The following MLLT6 variants were observed in gnomAD, a reference collection of about 807,000 sequenced individuals.
The protein encoded by MLLT6 is MLLT6, PHD finger containing.
In MLLT6, 22 loss-of-function variants were observed where a neutral mutation model predicts 103.0. The ratio of observed to expected loss-of-function variants is 0.21; its 90% CI spans 0.15 to 0.31. The LOEUF (loss-of-function observed/expected upper bound fraction) is 0.31. Ranked by LOEUF, MLLT6 falls within the 10% of genes least tolerant of loss-of-function variation. The pLI is 1.00. For missense variants in MLLT6, 1,199 were observed against 1,441.7 expected, an observed-to-expected ratio of 0.83 and a Z score of 2.73; for synonymous variants, 606 against 623.5, an observed-to-expected ratio of 0.97 and a Z score of 0.42.
Position 38,715,662 on chromosome 17 carries a change from G to A in MLLT6, c.870G>A (p.Glu290=). ...SSSHHEASTQ[E]TSESSRESKG... ...CCCACCACGAGGCCAGCACGCAGGA[G>A]ACCTCTGAGAGCAGCAGGGAGTCAA... The change falls in exon 9 of 20, where the codon GAG becomes GAA. Residue 290 remains glutamate (E), a synonymous_variant. Coordinates refer to ENST00000621332, the MANE Select transcript of MLLT6 (RefSeq NM_005937.4). The A allele has an allele frequency of 6.2e-7, 1 of 1,614,038 alleles. No individual in the cohort carries two copies. The highest frequency in any genetic ancestry group is 8.5e-7 in the Non-Finnish European group (1 of 1,179,996).
rs1273793416 is a variant in MLLT6, at chr17:38,707,424, C to T, written c.190-62C>T. On this transcript the variant is annotated intron_variant, in intron 2 of 19. Coordinates refer to ENST00000621332, the MANE Select transcript of MLLT6 (RefSeq NM_005937.4). Reference sequence around the variant, plus strand: ...GCATTTCAGCCTGGGACCCCTTGAACGTGTTCAGGGAGGGTCCAGCTCAGC... The same window carrying T: ...GCATTTCAGCCTGGGACCCCTTGAATGTGTTCAGGGAGGGTCCAGCTCAGC... 7.8e-6 allele frequency: 12 copies of T among 1,531,540 alleles called. No individual in the cohort carries two copies. In the Middle Eastern group the frequency reaches 6.8e-4, roughly 87 times the overall value. The allele number at this position is 1,531,540 out of a possible 1,614,324, so 94.9% of individuals were successfully genotyped here.
At chr17:38,725,273 AGAT>A in intron 19 of MLLT6, 1 of 532,384 alleles carries the variant, frequency 1.9e-6, no homozygotes, top group South Asian at 2.8e-5. Context: ...AATTAGAAAA[AGAT>A]GACCCTCTGG....
Position 38,722,064 on chromosome 17 carries a change from G to A in MLLT6, c.2629G>A (p.Ala877Thr). ...GGCACCCGGGGCAGCGGGGCTGGGGGCCATGCCCATGGCTGAGGGGCTGTT... is the reference window on the plus strand; with the variant it reads ...GGCACCCGGGGCAGCGGGGCTGGGGACCATGCCCATGGCTGAGGGGCTGTT... ...GRAPGAAGLG[A>T]MPMAEGLLGG... Residue 877 changes from alanine (A) to threonine (T), a missense_variant, in exon 17 of 20, where the codon GCC (alanine) becomes ACC (threonine). By Grantham distance (58) the Ala-to-Thr change is moderately conservative (BLOSUM62 0). Transcript: ENST00000621332. 1 of 1,390,670 alleles carries A rather than the reference G, an allele frequency of 7.2e-7. No homozygotes were observed. Among genetic ancestry groups the A allele is most frequent in the Non-Finnish European group, 9.3e-7 (1 of 1,077,166 alleles). The allele number at this position is 1,390,670 out of a possible 1,614,324, so 86.1% of individuals were successfully genotyped here.
Position 38,719,736 on chromosome 17 carries a change from C to A in MLLT6, c.2010-14C>A, listed in dbSNP as rs372437299. ...TGGTCGGGTCGACTGAACCCAGGTT[C>A]CCTCTGGCCGCAGGTCCCCCATCAG... On this transcript the variant is annotated splice_polypyrimidine_tract_variant and intron_variant, in intron 13 of 19. Transcript: ENST00000621332. 1.8e-4 allele frequency: 289 copies of A among 1,603,358 alleles called. 2 individuals carry two copies. The highest frequency in any genetic ancestry group is 4.9e-5 in the Non-Finnish European group (57 of 1,173,132).
At position 38,722,006 on chromosome 17, in the gene MLLT6, A is replaced by G. The variant is rs1365550691; in HGVS notation, c.2571A>G (p.Pro857=). The G allele has an allele frequency of 2.2e-5, 33 of 1,479,414 alleles. No individual in the cohort carries two copies. The highest frequency in any genetic ancestry group is 2.8e-5 in the Non-Finnish European group (31 of 1,116,600). The allele number at this position is 1,479,414 out of a possible 1,614,324, so 91.6% of individuals were successfully genotyped here. A position where few individuals can be genotyped will look rare whatever the true frequency, so the allele number is the denominator to read the frequency against. Reference sequence around the variant, plus strand: ...TGGCCCTGCCTGGGGCCCCTGCCCCACTCCCGCCCCAGCCGCAGAACGGGT... The same window carrying G: ...TGGCCCTGCCTGGGGCCCCTGCCCCGCTCCCGCCCCAGCCGCAGAACGGGT... ...LPLALPGAPA[P]LPPQPQNGLG... The change falls in exon 17 of 20, where the codon CCA becomes CCG. Residue 857 remains proline (P), a synonymous_variant. Transcript: ENST00000621332.
At position 38,716,783 on chromosome 17, in the gene MLLT6, C is replaced by T. The variant is rs764630823; in HGVS notation, c.1453C>T (p.Arg485Trp). 9.9e-6 allele frequency: 16 copies of T among 1,610,560 alleles called. No individual in the cohort carries two copies. Among genetic ancestry groups the T allele is most frequent in the East Asian group, 2.2e-5 (1 of 44,722 alleles). ...RHGPGRPKGS[R>W]NKEGTGGPAA... ...TGGGCCAGGCCGTCCCAAGGGCAGC[C>T]GGAACAAGGAGGGCACTGGGGGCCC... Residue 485 changes from arginine (R) to tryptophan (W), a missense_variant, in exon 10 of 20, where the codon CGG becomes TGG. Physicochemically the swap from Arg to Trp is moderately radical, Grantham distance 101. Transcript: ENST00000621332. This position sits in a 1 kb window ranked among gnomAD's most constrained non-coding sequence, Gnocchi z 5.6.
intron 16 of MLLT6, 69 bp from the exon 17 acceptor site, chr17:38,721,809 G>A: frequency 9.3e-7 from 1 of 1,075,052 alleles, no homozygotes; most frequent in Non-Finnish European, 1.3e-6. Flanking sequence ...GAATGCTGGT[G>A]GGTGCTGGGC....
rs751373300 is a variant in MLLT6, at chr17:38,724,736, C to T, written c.3000C>T (p.Ser1000=). 1.2e-6 allele frequency: 2 copies of T among 1,611,206 alleles called. No homozygotes were observed. Among genetic ancestry groups the T allele is most frequent in the South Asian group, 2.2e-5 (2 of 90,668 alleles). The change falls in exon 19 of 20, where the codon AGC becomes AGT. Residue 1000 remains serine, a synonymous_variant. Coordinates refer to ENST00000621332, the MANE Select transcript of MLLT6 (RefSeq NM_005937.4). This position sits in a 1 kb window ranked among gnomAD's most constrained non-coding sequence, Gnocchi z 5.4. The part of the protein sequence containing the change: ...QLPMASLLAG[S]STPLLSAGTP... ...CCATGGCCAGCCTGCTGGCAGGAAG[C>T]TCCACCCCGCTGCTGTCTGCGGGTA...
chr17:38,721,902 C>T lies in MLLT6; in HGVS notation c.2467C>T (p.Arg823Cys). The part of the protein sequence containing the change: ...SEDPHSGCPS[R>C]SSSSLSFHST... Reference sequence around the variant, plus strand: ...GGACCCACACTCAGGCTGCCCGAGCCGCAGCAGCTCGTCGCTGTCCTTCCA... The same window carrying T: ...GGACCCACACTCAGGCTGCCCGAGCTGCAGCAGCTCGTCGCTGTCCTTCCA... Residue 823 changes from arginine (R) to cysteine (C), a missense_variant, in exon 17 of 20, where the codon CGC becomes TGC. Coordinates refer to ENST00000621332, the MANE Select transcript of MLLT6 (RefSeq NM_005937.4). 3 of 1,578,276 alleles carry T rather than the reference C, an allele frequency of 1.9e-6. No homozygotes were observed. Among genetic ancestry groups the T allele is most frequent in the East Asian group, 2.4e-5 (1 of 42,042 alleles).
rs949423342 is a variant in MLLT6, at chr17:38,727,230, GTTT to G, written c.*1640_*1642del. The G allele has an allele frequency of 1.5e-5, 3 of 194,326 alleles. No individual in the cohort carries two copies. The highest frequency in any genetic ancestry group is 3.1e-5 in the Non-Finnish European group (3 of 97,072). 12.0% of individuals were successfully genotyped at this position (194,326 alleles called of 1,614,324 possible). On this transcript the variant is annotated 3_prime_UTR_variant, in exon 20 of 20. Coordinates refer to ENST00000621332, the MANE Select transcript of MLLT6 (RefSeq NM_005937.4). ...ATATTTTTGCCTGTGCTGCTCAACT[GTTT>G]TTTTTTTCTGATACTGAAAATAATA... is the stretch of plus-strand genomic sequence containing the variant.
chr17:38,717,471 G>A lies in MLLT6; in HGVS notation c.1691G>A (p.Gly564Asp). The part of the protein sequence containing the change: ...TSNKDPISHS[G>D]GMLRAVCSTP... ...AATAAGGACCCCATCTCCCACAGTG[G>A]CGGGATGCTGCGGGCTGTCTGCAGC... Residue 564 changes from glycine to aspartate, a missense_variant, in exon 11 of 20, where the codon GGC (glycine) becomes GAC (aspartate). By Grantham distance (94) the Gly-to-Asp change is moderately conservative (BLOSUM62 -1). This residue lies in a region of MLLT6 where 1,034 missense variants were observed against 1,091.5 expected (regional missense o/e 0.95). Transcript: ENST00000621332. The A allele has an allele frequency of 6.2e-7, 1 of 1,610,596 alleles. No homozygotes were observed. Among genetic ancestry groups the A allele is most frequent in the East Asian group, 2.2e-5 (1 of 44,792 alleles).
chr17:38,716,888 G>C lies in MLLT6; in HGVS notation c.1558G>C (p.Val520Leu), dbSNP rs1391852447. The change falls in exon 10 of 20, where the codon GTC becomes CTC. Residue 520 changes from valine to leucine, a missense_variant. This residue lies in a region of MLLT6 where 1,034 missense variants were observed against 1,091.5 expected (regional missense o/e 0.95). Transcript: ENST00000621332. This position sits in a 1 kb window ranked among gnomAD's most constrained non-coding sequence, Gnocchi z 5.6. Reference sequence around the variant, plus strand: ...CTCACCCTTCTCTGGAGGTTCCCTGGTCAGCTCCGGCCTGGGAGGTCTGTC... The same window carrying C: ...CTCACCCTTCTCTGGAGGTTCCCTGCTCAGCTCCGGCCTGGGAGGTCTGTC... ...AASPFSGGSL[V>L]SSGLGGLSSR... 1 of 1,613,712 alleles carries C rather than the reference G, an allele frequency of 6.2e-7. No homozygotes were observed. Among genetic ancestry groups the C allele is most frequent in the Admixed American group, 1.7e-5 (1 of 59,978 alleles).
At chr17:38,719,260 C>T (rs1255930253) in intron 12 of MLLT6, 4 of 525,950 alleles carry the variant, frequency 7.6e-6, no homozygotes, top group Non-Finnish European at 1.3e-5. Flanking sequence ...AGGAATTGGG[C>T]GGTGGATCTG....
intron 7 of MLLT6, 162 bp downstream of exon 7, chr17:38,712,176 G>C (rs570118598): frequency 2.2e-5 from 21 of 947,078 alleles, no homozygotes; most frequent in South Asian, 1.5e-4. Context: ...GAAACGGTGG[G>C]GGGGTGAGGC....
In MLLT6 at chr17:38,705,574, G is replaced by T; in HGVS notation, c.-59G>T. ...GCCCCCCGCTCCCTCCCTCCCCCCT[G>T]ACCCCCGACCCCCGCCGGCCGGCCC... On this transcript the variant is annotated 5_prime_UTR_variant, in exon 1 of 20. Transcript: ENST00000621332. 2.8e-6 allele frequency: 1 copy of T among 355,912 alleles called. No homozygotes were observed. 22.0% of individuals were successfully genotyped at this position (355,912 alleles called of 1,614,324 possible).
chr17:38,717,113 C>T (rs1319144516), intron 10 of MLLT6, 132 bp downstream of exon 10: 5 of 1,319,008 alleles, frequency 3.8e-6, no homozygotes, highest in African/African-American at 3.0e-5. Context: ...GAGACAGTCA[C>T]CTTCAGGACA....
intron 18 of MLLT6, 81 bp downstream of exon 18, chr17:38,722,849 G>T: frequency 9.5e-7 from 1 of 1,054,954 alleles, no homozygotes; most frequent in South Asian, 1.4e-5. Context: ...GGCCAGCCAG[G>T]AGAGGGCAGG....
rs1373361726 is a variant in MLLT6, at chr17:38,716,947, C to T, written c.1617C>T (p.Pro539=). The T allele has an allele frequency of 2.5e-6, 4 of 1,613,746 alleles. No homozygotes were observed. The highest frequency in any genetic ancestry group is 1.7e-5 in the Admixed American group (1 of 60,004). The change falls in exon 10 of 20, where the codon CCC becomes CCT. Residue 539 remains proline, a synonymous_variant. Coordinates refer to ENST00000621332, the MANE Select transcript of MLLT6 (RefSeq NM_005937.4). This position sits in a 1 kb window ranked among gnomAD's most constrained non-coding sequence, Gnocchi z 5.6. ...CCTTTGGGCCTTCTGGGAGCTTGCCCAGCTTGAGCCTGGAGTCCCCCTTAC... is the reference window on the plus strand; with the variant it reads ...CCTTTGGGCCTTCTGGGAGCTTGCCTAGCTTGAGCCTGGAGTCCCCCTTAC... ...SRTFGPSGSL[P]SLSLESPLLG...
intron 17 of MLLT6, 45 bp from the exon 18 acceptor site, chr17:38,722,633 A>AGGGGG: frequency 7.9e-6 from 3 of 377,874 alleles, no homozygotes; most frequent in Non-Finnish European, 1.5e-5. Flanking sequence ...GCCCTCCCCC[A>AGGGGG]TGGTCTGTGT....
Sources: allele counts gnomAD v4.1 joint callset, GRCh38; gene constraint gnomAD v4.1.1; regional missense constraint gnomAD v4.1.1; non-coding constraint Gnocchi (gnomAD v3.1); transcripts MANE v1.5; gene names NCBI Gene and HGNC (gene_info 2026-07-23, HGNC 2026-07-21).